Variants in TPO observed in about 807,000 individuals in gnomAD.
TPO encodes thyroid peroxidase, also known as thyroid microsomal antigen.
Under a neutral mutation model 96.9 loss-of-function variants are expected in TPO, and 78 were observed. That is an observed-to-expected ratio of 0.81 (90% CI 0.67 to 0.97). The LOEUF is 0.97. Ranked by LOEUF, TPO falls within the 50% of genes least tolerant of loss-of-function variation. TPO has a pLI of 0.00. For synonymous variants in TPO, 547 were observed against 538.0 expected (o/e 1.02, Z -0.23); for missense variants, 1,252 against 1,274.8 (o/e 0.98, Z 0.27).
At chr2:1,496,311 G>A (rs532905645) in intron 12 of TPO, 114 bp downstream of exon 12, 502 of 1,071,538 alleles carry the variant, frequency 4.7e-4, no homozygotes, top group East Asian at 9.6e-4. Flanking sequence ...TAGTGTCAAC[G>A]CCCTGCCTTA....
At chr2:1,469,987 G>A (rs1007687292) in intron 7 of TPO, among the ~76,000 whole-genome samples, 16 of 152,216 alleles carry the variant, frequency 1.1e-4, no homozygotes, top group African/African-American at 2.4e-4. Flanking sequence ...CCTCTTGTCC[G>A]CCATGATCCG....
rs1489884359 is a variant in TPO at position 1,496,668 on chromosome 2, G to C, written c.2289G>C (p.Val763=). The change falls in exon 13 of 17, where the codon GTG becomes GTC. Residue 763 remains valine (V), a synonymous_variant. Transcript: ENST00000329066. The part of the protein sequence containing the change: ...FVHCEESGRR[V]LVYSCRHGYE... ...ACTGTGAGGAGTCTGGGAGGCGCGT[G>C]CTGGTGTATTCCTGCCGGCACGGGT... 1 of 1,614,066 alleles carries C rather than the reference G, an allele frequency of 6.2e-7. No individual in the cohort carries two copies. The highest frequency in any genetic ancestry group is 8.5e-7 in the Non-Finnish European group (1 of 1,180,038).
chr2:1,500,627 TCTC>T (rs1280511908), intron 13 of TPO, among the ~76,000 whole-genome samples: 3 of 152,018 alleles, frequency 2.0e-5, no homozygotes, highest in Admixed American at 1.3e-4. Context: ...GCTGCTCTCT[TCTC>T]TATTCAAATT....
chr2:1,480,537 CT>C (rs557974456), intron 8 of TPO, among the ~76,000 whole-genome samples: 56 of 138,876 alleles, frequency 4.0e-4, no homozygotes, highest in African/African-American at 1.3e-3. Flanking sequence ...GCATCCCCCC[CT>C]CTATCACCCC....
At chr2:1,512,592 C>A in intron 14 of TPO, 1 of 634,714 alleles carries the variant, frequency 1.6e-6, no homozygotes, top group Non-Finnish European at 2.0e-6. Flanking sequence ...CCGCAGAACA[C>A]GTCTTCCCGC....
intron 7 of TPO, among the ~76,000 whole-genome samples, chr2:1,463,113 C>T (rs564456155): frequency 1.1e-4 from 16 of 152,148 alleles, no homozygotes; most frequent in Non-Finnish European, 1.9e-4. Context: ...AGGACACCTG[C>T]GTGCCCGTGG....
At chr2:1,523,976 CCCAAATCCCCCCTACTCTCTGCAAACTCA>C (rs1224297305) in intron 15 of TPO, among the ~76,000 whole-genome samples, 1 of 119,274 alleles carries the variant, frequency 8.4e-6, no homozygotes, top group Non-Finnish European at 1.7e-5. Flanking sequence ...GTGCAACTTC[CCCAAATCCCCCCTACTCTCTGCAAACTCA>C]CCAAATCCCC....
At chr2:1,493,766 C>G in intron 10 of TPO, 36 bp from the exon 11 acceptor site, 1 of 1,611,636 alleles carries the variant, frequency 6.2e-7, no homozygotes, top group Middle Eastern at 1.7e-4. Flanking sequence ...AAGTTCAGTT[C>G]TGTGAGAGAA....
intron 5 of TPO, among the ~76,000 whole-genome samples, chr2:1,440,119 T>C (rs760069945): frequency 2.0e-4 from 31 of 151,372 alleles, no homozygotes; most frequent in Non-Finnish European, 3.8e-4. Flanking sequence ...GCGTTTCCAA[T>C]GTGCTACATT....
chr2:1,494,923 C>G (rs558691569), intron 11 of TPO, among the ~76,000 whole-genome samples: 4 of 152,088 alleles, frequency 2.6e-5, no homozygotes, highest in Non-Finnish European at 5.9e-5. Flanking sequence ...CAAAGAGCTA[C>G]GAACACCTGG....
chr2:1,524,470 A>G (rs894465878), intron 15 of TPO, among the ~76,000 whole-genome samples: 1 of 13,462 alleles, frequency 7.4e-5, no homozygotes, highest in Admixed American at 8.7e-4. Flanking sequence ...CCCAAATCCC[A>G]CCCACTGTGT....
chr2:1,428,599 T>G (rs1573140999), intron 3 of TPO, among the ~76,000 whole-genome samples: 1 of 152,048 alleles, frequency 6.6e-6, no homozygotes, highest in Non-Finnish European at 1.5e-5. Context: ...GTCCCATGGG[T>G]GCCAGGCAAA....
intron 7 of TPO, among the ~76,000 whole-genome samples, chr2:1,474,472 G>A (rs560006541): frequency 6.6e-6 from 1 of 152,248 alleles, no homozygotes; most frequent in East Asian, 1.9e-4. Flanking sequence ...GTGCACTGGG[G>A]CCCTTTTCAT....
chr2:1,401,645 G>GCTACCTCCTCCTC (rs1662174598), intron 1 of TPO, among the ~76,000 whole-genome samples: 1 of 152,026 alleles, frequency 6.6e-6, no homozygotes, highest in Non-Finnish European at 1.5e-5. Flanking sequence ...TGCCCATCCT[G>GCTACCTCCTCCTC]CTACCTCCTC....
At chr2:1,413,145 G>C (rs765248657), upstream of TPO, among the ~76,000 whole-genome samples, 1 of 152,138 alleles carries the variant, frequency 6.6e-6, no homozygotes, top group Non-Finnish European at 1.5e-5. Context: ...TTTTTCACAG[G>C]GTATTTAACT....
At chr2:1,385,542 G>T (rs1661878583) in intron 1 of TPO, among the ~76,000 whole-genome samples, 1 of 151,896 alleles carries the variant, frequency 6.6e-6, no homozygotes, top group African/African-American at 2.4e-5. Context: ...ATTTCTGTGG[G>T]ATCGGTGGTG....
At chr2:1,524,705 A>C (rs62117026) in intron 15 of TPO, among the ~76,000 whole-genome samples, 10,756 of 84,614 alleles carry the variant, frequency 0.13, 1,100 homozygotes, top group Admixed American at 0.25. Context: ...CTGTGTGCAA[A>C]CTCCCCACAT....
chr2:1,382,653 TCA>T (rs939608689), intron 1 of TPO, among the ~76,000 whole-genome samples: 4 of 152,134 alleles, frequency 2.6e-5, no homozygotes, highest in African/African-American at 9.7e-5. Flanking sequence ...GCTAGGATTG[TCA>T]CAACCAGGAA....
Position 1,525,133 on chromosome 2 carries a change from CA to C in TPO, c.2618+8154del, listed in dbSNP as rs150102251. ...ATCCCCAAACTGTGTGCAACCTCCC[CA>C]AATCACCCTCACTGTGTGCAACCTC... On this transcript the variant is annotated intron_variant, in intron 15 of 16. Transcript: ENST00000329066. 3.5e-3 allele frequency among the ~76,000 whole-genome samples: 458 copies of C among 130,758 alleles called. 25 individuals are homozygous for C. The highest frequency in any genetic ancestry group is 0.013 in the African/African-American group (444 of 33,894). The allele number at this position is 130,758 out of a possible 152,430, so 85.8% of individuals were successfully genotyped here.
Sources: allele counts gnomAD v4.1 joint callset (sites outside exome capture counted in the v4.1 genomes callset), GRCh38; gene constraint gnomAD v4.1.1; transcripts MANE v1.5; gene names NCBI Gene and HGNC (gene_info 2026-07-23, HGNC 2026-07-21).